The following CDK17 variants were observed in gnomAD, a reference collection of about 807,000 sequenced individuals.
The protein encoded by CDK17 is cyclin-dependent kinase 17.
CDK17 carries 24 observed loss-of-function variants against 77.6 expected under a neutral mutation model. The observed-to-expected ratio is 0.31, with a 90% CI of 0.22 to 0.44. The LOEUF (loss-of-function observed/expected upper bound fraction) is 0.44. Ranked by LOEUF, CDK17 falls within the 20% of genes least tolerant of loss-of-function variation. CDK17 has a pLI of 1.00. For synonymous variants in CDK17, 203 were observed against 210.4 expected (o/e 0.96, Z 0.30); for missense variants, 429 against 622.5 (o/e 0.69, Z 3.31).
intron 1 of CDK17, chr12:96,386,730 G>T (rs1438439938): frequency 6.6e-6 from 1 of 152,298 alleles, no homozygotes; most frequent in African/African-American, 2.4e-5. Context: ...TAAATTTTTT[G>T]ATAGAAAAAA....
intron 1 of CDK17, among the ~76,000 whole-genome samples, chr12:96,394,514 G>A (rs1954132823): frequency 6.6e-6 from 1 of 152,040 alleles, no homozygotes; most frequent in Middle Eastern, 3.2e-3. Context: ...ACAAAAATGT[G>A]TTATTAAAAG....
intron 1 of CDK17, among the ~76,000 whole-genome samples, chr12:96,393,354 CAAAAAA>C (rs10633197): frequency 1.2e-4 from 5 of 43,346 alleles, no homozygotes; most frequent in Admixed American, 3.6e-4. Context: ...GGCTCCGCCT[CAAAAAA>C]AAAAAAAAAA....
In CDK17 at chr12:96,280,275, A is replaced by G; in HGVS notation, c.1539T>C (p.His513=). Residue 513 remains histidine, a synonymous_variant, in exon 17 of 17, where the codon CAT becomes CAC. Transcript: ENST00000261211. The part of the protein sequence containing the change: ...FRNSSYPETG[H]GKNRRQSMLF Reference sequence around the variant, plus strand: ...GCATGCTCTGTCTTCTGTTCTTCCCATGTCCTAAAATATAAAGTCATTTTA... The same window carrying G: ...GCATGCTCTGTCTTCTGTTCTTCCCGTGTCCTAAAATATAAAGTCATTTTA... The G allele has an allele frequency of 6.4e-7, 1 of 1,550,964 alleles. No homozygotes were observed. The highest frequency in any genetic ancestry group is 8.7e-7 in the Non-Finnish European group (1 of 1,146,602).
At chr12:96,309,689 G>C (rs954044416) in intron 5 of CDK17, among the ~76,000 whole-genome samples, 4 of 152,112 alleles carry the variant, frequency 2.6e-5, no homozygotes, top group African/African-American at 9.7e-5. Context: ...ATTCACAAAA[G>C]AGAGTATCTA....
chr12:96,382,143 G>A (rs770655044), intron 1 of CDK17, among the ~76,000 whole-genome samples: 69 of 152,064 alleles, frequency 4.5e-4, no homozygotes, highest in Non-Finnish European at 8.8e-4. Context: ...AAGGGATATC[G>A]CATGTTCAAG....
At chr12:96,282,331 A>C in intron 15 of CDK17, 178 bp downstream of exon 15, 1 of 555,446 alleles carries the variant, frequency 1.8e-6, no homozygotes. Context: ...GTGTTACAAG[A>C]AATAACTGAA....
intron 10 of CDK17, among the ~76,000 whole-genome samples, chr12:96,291,243 A>G (rs1332080202): frequency 6.6e-6 from 1 of 152,166 alleles, no homozygotes; most frequent in Non-Finnish European, 1.5e-5. Flanking sequence ...AGAGGTTGGA[A>G]GCAAAATTTA....
At chr12:96,389,513 AG>A (rs1428011272) in intron 1 of CDK17, among the ~76,000 whole-genome samples, 2 of 152,044 alleles carry the variant, frequency 1.3e-5, no homozygotes, top group Non-Finnish European at 2.9e-5. Context: ...TGGAGAAGGG[AG>A]GGATCAACAA....
rs557482433 is a variant in CDK17 at position 96,279,272 on chromosome 12, A to G, written c.*970T>C. On this transcript the variant is annotated 3_prime_UTR_variant, in exon 17 of 17. Coordinates refer to ENST00000261211, the MANE Select transcript of CDK17 (RefSeq NM_002595.5). ...ATTTATCATGGCTCATTTCAAAGAC[A>G]TATTACAGCTTTCAGCTGATTCCAA... The G allele has an allele frequency of 6.6e-6, 1 of 152,348 alleles. No homozygotes were observed. Among genetic ancestry groups the G allele is most frequent in the East Asian group, 1.9e-4 (1 of 5,190 alleles). The allele number at this position is 152,348 out of a possible 1,614,324, so 9.4% of individuals were successfully genotyped here. A position where few individuals can be genotyped will look rare whatever the true frequency, so the allele number is the denominator to read the frequency against.
chr12:96,291,182 A>G (rs61580841), intron 10 of CDK17, among the ~76,000 whole-genome samples: 6,552 of 152,068 alleles, frequency 0.043, 484 homozygotes, highest in African/African-American at 0.15. Context: ...CTCATGGAAT[A>G]ATCAGAATTT....
chr12:96,376,767 C>T (rs1416663845), intron 1 of CDK17, among the ~76,000 whole-genome samples: 1 of 152,086 alleles, frequency 6.6e-6, no homozygotes, highest in Non-Finnish European at 1.5e-5. Context: ...AATCAGAGGA[C>T]CATAAAACCA....
intron 1 of CDK17, among the ~76,000 whole-genome samples, chr12:96,364,563 AT>A (rs1484081585): frequency 5.9e-5 from 9 of 152,084 alleles, no homozygotes; most frequent in African/African-American, 2.2e-4. Flanking sequence ...ATGTTCAATC[AT>A]TTGGCTGTGT....
chr12:96,332,385 T>C (rs1014948107), intron 2 of CDK17, among the ~76,000 whole-genome samples: 9 of 152,248 alleles, frequency 5.9e-5, no homozygotes, highest in African/African-American at 2.2e-4. Context: ...CTTCATAAAC[T>C]GCTTACATTG....
intron 1 of CDK17, among the ~76,000 whole-genome samples, chr12:96,356,276 T>C (rs1953391967): frequency 6.6e-6 from 1 of 152,240 alleles, no homozygotes; most frequent in Non-Finnish European, 1.5e-5. Flanking sequence ...GAAAACTGTT[T>C]GAGCCATGTG....
At chr12:96,319,162 T>C (rs1456619458) in intron 3 of CDK17, among the ~76,000 whole-genome samples, 1 of 151,208 alleles carries the variant, frequency 6.6e-6, no homozygotes, top group Non-Finnish European at 1.5e-5. Flanking sequence ...CAGAGAATAC[T>C]ACAAACACCT....
At chr12:96,349,728 T>C (rs1161307477) in intron 1 of CDK17, among the ~76,000 whole-genome samples, 1 of 152,130 alleles carries the variant, frequency 6.6e-6, no homozygotes, top group East Asian at 1.9e-4. Flanking sequence ...GATGCCTGCT[T>C]TCACCACTTC....
chr12:96,342,560 T>TCAAA lies in CDK17; in HGVS notation c.-29-7699_-29-7696dup, dbSNP rs747936512. ...CCAGGTGACAGAGCAAGATGCCATG[T>TCAAA]CAAACAAACAAACAAACAAACAAAA... On this transcript the variant is annotated intron_variant, in intron 1 of 16. Transcript: ENST00000261211. Among the ~76,000 whole-genome samples the TCAAA allele has an allele frequency of 1.7e-4, 26 of 151,952 alleles. No homozygotes were observed. The East Asian group carries it at 1.7e-3, about 10-fold the overall frequency.
chr12:96,287,057 T>C (rs1952255974), intron 11 of CDK17, among the ~76,000 whole-genome samples: 1 of 152,198 alleles, frequency 6.6e-6, no homozygotes, highest in Non-Finnish European at 1.5e-5. Flanking sequence ...TTAGAAATGT[T>C]TTTTAAGTGC....
At chr12:96,345,863 TA>T (rs1285941566) in intron 1 of CDK17, among the ~76,000 whole-genome samples, 3 of 151,926 alleles carry the variant, frequency 2.0e-5, no homozygotes, top group Non-Finnish European at 4.4e-5. Flanking sequence ...AGGGCAAAAA[TA>T]AAAAAATTAA....
Sources: gnomAD v4.1 joint callset for allele counts (sites outside exome capture counted in the v4.1 genomes callset) on GRCh38, gnomAD v4.1.1 for gene constraint, MANE v1.5 for transcripts, NCBI Gene and HGNC (gene_info 2026-07-23, HGNC 2026-07-21) for gene names.